Variants in CNTNAP4 observed in about 807,000 individuals in gnomAD.
The protein encoded by CNTNAP4 is contactin-associated protein-like 4.
CNTNAP4 carries 98 observed loss-of-function variants against 148.4 expected under a neutral mutation model. That is an observed-to-expected ratio of 0.66 (90% CI 0.56 to 0.78). CNTNAP4 has a LOEUF of 0.78. Among genes scored for constraint, CNTNAP4 ranks in the 30% least tolerant of loss-of-function variants. CNTNAP4 has a pLI of 0.00. For synonymous variants in CNTNAP4, 730 were observed against 565.1 expected, an observed-to-expected ratio of 1.29 and a Z score of -4.14; for missense variants, 1,935 against 1,565.6, an observed-to-expected ratio of 1.24 and a Z score of -3.98.
chr16:76,288,249 AT>A (rs893663400), intron 1 of CNTNAP4, among the ~76,000 whole-genome samples: 3 of 151,974 alleles, frequency 2.0e-5, no homozygotes, highest in African/African-American at 4.8e-5. Flanking sequence ...TTCTGCCGTG[AT>A]TTTAAGTTTC....
intron 2 of CNTNAP4, among the ~76,000 whole-genome samples, chr16:76,350,829 G>T (rs781143710): frequency 1.3e-5 from 2 of 152,098 alleles, no homozygotes; most frequent in Admixed American, 6.6e-5. Flanking sequence ...GAGTTTTCAG[G>T]CTGTAATATG....
At chr16:76,440,549 C>A (rs1294071835) in intron 4 of CNTNAP4, among the ~76,000 whole-genome samples, 1 of 152,052 alleles carries the variant, frequency 6.6e-6, no homozygotes, top group Non-Finnish European at 1.5e-5. Flanking sequence ...AGGTACAATT[C>A]AATATGCAAT....
intron 1 of CNTNAP4, among the ~76,000 whole-genome samples, chr16:76,315,065 A>G (rs905868582): frequency 1.3e-5 from 2 of 150,320 alleles, no homozygotes; most frequent in African/African-American, 2.5e-5. Context: ...AGATTCAACT[A>G]TTTTGTTTTG....
At chr16:76,327,622 G>GT (rs1963123092) in intron 2 of CNTNAP4, among the ~76,000 whole-genome samples, 2 of 152,304 alleles carry the variant, frequency 1.3e-5, no homozygotes, top group African/African-American at 4.8e-5. Context: ...ATCTAGGGCT[G>GT]TATCATTTCC....
At chr16:76,300,909 ATTTAT>A (rs1959893222) in intron 1 of CNTNAP4, among the ~76,000 whole-genome samples, 1 of 151,510 alleles carries the variant, frequency 6.6e-6, no homozygotes, top group Admixed American at 6.6e-5. Flanking sequence ...TATTTTATTT[ATTTAT>A]TTTATTTTTT....
intron 20 of CNTNAP4, among the ~76,000 whole-genome samples, chr16:76,540,161 G>A (rs2144285694): frequency 6.6e-6 from 1 of 152,204 alleles, no homozygotes; most frequent in African/African-American, 2.4e-5. Context: ...TTAGATAAAT[G>A]CAGTAATAAA....
In CNTNAP4 at chr16:76,397,938, T is replaced by C. The variant is rs1319725541; in HGVS notation, c.391-29514T>C. On this transcript the variant is annotated intron_variant, in intron 3 of 23. Transcript: ENST00000611870. ...TCTCTAGAGGGACAGAACTAATAGATTATATACATATATATATATATATAT... is the reference window on the plus strand; with the variant it reads ...TCTCTAGAGGGACAGAACTAATAGACTATATACATATATATATATATATAT... Among the ~76,000 whole-genome samples the C allele has an allele frequency of 1.1e-4, 7 of 62,282 alleles. 1 individual carries two copies. The highest frequency in any genetic ancestry group is 1.8e-4 in the Admixed American group (1 of 5,540). The allele number at this position is 62,282 out of a possible 152,430, so 40.9% of individuals were successfully genotyped here. A position where few individuals can be genotyped will look rare whatever the true frequency, so the allele number is the denominator to read the frequency against.
intron 1 of CNTNAP4, among the ~76,000 whole-genome samples, chr16:76,291,975 G>T (rs1478770612): frequency 1.3e-5 from 2 of 152,090 alleles, no homozygotes; most frequent in South Asian, 2.1e-4. Context: ...TCTTTTCAAA[G>T]GTTTCACAGT....
intron 3 of CNTNAP4, among the ~76,000 whole-genome samples, chr16:76,410,720 A>T (rs1304027020): frequency 6.6e-6 from 1 of 151,708 alleles, no homozygotes; most frequent in Admixed American, 6.6e-5. Context: ...ATTGTACAGA[A>T]TCTGAAGGTC....
At chr16:76,379,262 G>A (rs1023271442) in intron 3 of CNTNAP4, among the ~76,000 whole-genome samples, 2 of 152,146 alleles carry the variant, frequency 1.3e-5, no homozygotes, top group Non-Finnish European at 2.9e-5. Context: ...GGCTATAGAA[G>A]CATGTCAGGG....
intron 3 of CNTNAP4, among the ~76,000 whole-genome samples, chr16:76,376,971 GTA>G (rs2015484493): frequency 6.8e-6 from 1 of 146,642 alleles, no homozygotes; most frequent in Non-Finnish European, 1.5e-5. Flanking sequence ...ATACATACAT[GTA>G]TGGAGGTTGG....
At chr16:76,283,002 A>C (rs1031686646) in intron 1 of CNTNAP4, among the ~76,000 whole-genome samples, 7 of 151,104 alleles carry the variant, frequency 4.6e-5, no homozygotes, top group Non-Finnish European at 5.9e-5. Context: ...AAGAAAATAA[A>C]CCCCCCCACC....
At chr16:76,482,720 C>A (rs981055391) in intron 12 of CNTNAP4, among the ~76,000 whole-genome samples, 1 of 152,170 alleles carries the variant, frequency 6.6e-6, no homozygotes, top group Non-Finnish European at 1.5e-5. Context: ...GGTGTTCCTG[C>A]ATATGTGTCT....
At chr16:76,456,394 G>A (rs938252607) in intron 8 of CNTNAP4, among the ~76,000 whole-genome samples, 1 of 152,190 alleles carries the variant, frequency 6.6e-6, no homozygotes, top group East Asian at 1.9e-4. Context: ...ATGAAATAAC[G>A]AAGTAAGGCT....
At chr16:76,297,441 A>G (rs1567614190) in intron 1 of CNTNAP4, among the ~76,000 whole-genome samples, 1 of 152,184 alleles carries the variant, frequency 6.6e-6, no homozygotes, top group Non-Finnish European at 1.5e-5. Context: ...TTGCAGCCCT[A>G]AAGAATTAAA....
At chr16:76,335,184 G>C (rs748574729) in intron 2 of CNTNAP4, among the ~76,000 whole-genome samples, 11 of 152,134 alleles carry the variant, frequency 7.2e-5, no homozygotes, top group Non-Finnish European at 1.3e-4. Context: ...TTTGCTGGTT[G>C]ATCTTGTAAA....
At chr16:76,425,353 T>G (rs1320607349) in intron 3 of CNTNAP4, among the ~76,000 whole-genome samples, 2 of 152,158 alleles carry the variant, frequency 1.3e-5, no homozygotes, top group Non-Finnish European at 2.9e-5. Context: ...TCCGTTGAAC[T>G]TTTGTTTTGT....
chr16:76,363,783 C>G (rs2013739527), intron 3 of CNTNAP4, among the ~76,000 whole-genome samples: 2 of 152,010 alleles, frequency 1.3e-5, no homozygotes, highest in African/African-American at 4.8e-5. Context: ...TAAATATGAC[C>G]TCAATCACAA....
intron 21 of CNTNAP4, among the ~76,000 whole-genome samples, chr16:76,549,628 C>T (rs1327755825): frequency 1.3e-5 from 2 of 151,424 alleles, no homozygotes; most frequent in Admixed American, 6.6e-5. Context: ...AGGAGATTCT[C>T]ATAAAGCAAA....
Sources: allele counts gnomAD v4.1 joint callset (sites outside exome capture counted in the v4.1 genomes callset), GRCh38; gene constraint gnomAD v4.1.1; transcripts MANE v1.5; gene names NCBI Gene and HGNC (gene_info 2026-07-23, HGNC 2026-07-21).